Variants in COL22A1 observed in about 807,000 individuals in gnomAD.
COL22A1 encodes the protein collagen alpha-1(XXII) chain.
Under a neutral mutation model 248.9 loss-of-function variants are expected in COL22A1, and 221 were observed. The observed-to-expected ratio is 0.89, with a 90% CI of 0.80 to 0.99. The LOEUF (loss-of-function observed/expected upper bound fraction) is 0.99, where lower values mean the gene tolerates loss of function less well. Ranked by LOEUF, COL22A1 falls within the 50% of genes least tolerant of loss-of-function variation. COL22A1 has a pLI of 0.00. For synonymous variants in COL22A1, 891 were observed against 793.4 expected (o/e 1.12, Z -2.07); for missense variants, 2,240 against 2,179.0 (o/e 1.03, Z -0.56).
chr8:138,715,767 G>A, intron 29 of COL22A1, 32 bp from the exon 30 acceptor site: 2 of 1,531,392 alleles, frequency 1.3e-6, no homozygotes, highest in Non-Finnish European at 1.8e-6. Context: ...GAAAACATTA[G>A]AACCCAAACC....
chr8:138,751,439 G>T lies in COL22A1; in HGVS notation c.2085+19C>A. ...TGTGGGTGAGCTGAGGAATCACAAA[G>T]AAAAGAGAGTTTACTTACTCGGAGA... On this transcript the variant is annotated intron_variant, in intron 22 of 64. Coordinates refer to ENST00000303045, the MANE Select transcript of COL22A1 (RefSeq NM_152888.3). 6.3e-7 allele frequency: 1 copy of T among 1,597,264 alleles called. No homozygotes were observed. Among genetic ancestry groups the T allele is most frequent in the South Asian group, 1.1e-5 (1 of 89,468 alleles).
intron 16 of COL22A1, among the ~76,000 whole-genome samples, chr8:138,771,636 A>C (rs1834374680): frequency 6.6e-6 from 1 of 151,248 alleles, no homozygotes; most frequent in South Asian, 2.1e-4. Flanking sequence ...TGGCAAGAAC[A>C]AAACAGTGCA....
intron 23 of COL22A1, among the ~76,000 whole-genome samples, chr8:138,730,054 T>C (rs1830596529): frequency 6.6e-6 from 1 of 152,098 alleles, no homozygotes; most frequent in Non-Finnish European, 1.5e-5. Context: ...ACTTTGGCAC[T>C]CCCCCAAAAG....
chr8:138,777,470 T>C (rs994421500), intron 15 of COL22A1, among the ~76,000 whole-genome samples: 4 of 152,204 alleles, frequency 2.6e-5, no homozygotes, highest in Non-Finnish European at 5.9e-5. Context: ...TATCTATGTT[T>C]TAAGCCCTGC....
In COL22A1 at chr8:138,884,609, A is replaced by G. The variant is rs546822047; in HGVS notation, c.-72-1365T>C. Reference sequence around the variant, plus strand: ...CTCATTTACCCTTTGTAAAGTACCAATCTGATGCAGGTGTTTACAATGACC... The same window carrying G: ...CTCATTTACCCTTTGTAAAGTACCAGTCTGATGCAGGTGTTTACAATGACC... On this transcript the variant is annotated intron_variant, in intron 1 of 64. Coordinates refer to ENST00000303045, the MANE Select transcript of COL22A1 (RefSeq NM_152888.3). Among the ~76,000 whole-genome samples the G allele has an allele frequency of 1.1e-4, 17 of 152,220 alleles. No homozygotes were observed. The East Asian group carries it at 2.7e-3, about 24-fold the overall frequency.
chr8:138,792,398 G>A (rs1403617714), intron 12 of COL22A1, among the ~76,000 whole-genome samples: 3 of 152,208 alleles, frequency 2.0e-5, no homozygotes, highest in African/African-American at 7.2e-5. Flanking sequence ...TCTGCCTCAG[G>A]TGAGCCTGCT....
chr8:138,910,684 C>T (rs537968759), intron 1 of COL22A1, among the ~76,000 whole-genome samples: 1 of 152,178 alleles, frequency 6.6e-6, no homozygotes, highest in Non-Finnish European at 1.5e-5. Context: ...TAAAACATTC[C>T]TGTGGGCCTT....
intron 1 of COL22A1, among the ~76,000 whole-genome samples, chr8:138,901,721 C>T (rs1002734574): frequency 5.9e-5 from 9 of 152,030 alleles, no homozygotes; most frequent in African/African-American, 1.7e-4. Flanking sequence ...TAAATATGAT[C>T]GTTAAGACTC....
At chr8:138,811,586 T>G (rs1360949591) in intron 9 of COL22A1, among the ~76,000 whole-genome samples, 2 of 152,064 alleles carry the variant, frequency 1.3e-5, no homozygotes, top group African/African-American at 4.8e-5. Context: ...CACATTCTGC[T>G]CCTAGAAAGC....
chr8:138,816,463 TCC>T (rs901184020), intron 7 of COL22A1, among the ~76,000 whole-genome samples: 3 of 152,184 alleles, frequency 2.0e-5, no homozygotes, highest in African/African-American at 7.2e-5. Flanking sequence ...TCTGCTTGGC[TCC>T]CTGGATCCCA....
chr8:138,591,540 C>G, intron 63 of COL22A1, 39 bp from the exon 64 acceptor site: 2 of 1,454,338 alleles, frequency 1.4e-6, no homozygotes, highest in Non-Finnish European at 1.8e-6. Context: ...GTGGAGACCC[C>G]CGGGGAGGAC....
chr8:138,718,663 A>C (rs1367956852), intron 27 of COL22A1, among the ~76,000 whole-genome samples: 1 of 152,220 alleles, frequency 6.6e-6, no homozygotes, highest in South Asian at 2.1e-4. Context: ...AAATAAAGTA[A>C]CAAGACCCTC....
At chr8:138,665,165 A>T (rs1824386233) in intron 41 of COL22A1, among the ~76,000 whole-genome samples, 1 of 152,156 alleles carries the variant, frequency 6.6e-6, no homozygotes, top group Admixed American at 6.5e-5. Context: ...AAGTAGAGAA[A>T]ATCTCCAGAG....
At position 138,660,451 on chromosome 8, in the gene COL22A1, C is replaced by T. The variant is rs373436607; in HGVS notation, c.3270G>A (p.Gly1090=). The T allele has an allele frequency of 2.8e-5, 45 of 1,612,974 alleles. No homozygotes were observed. The highest frequency in any genetic ancestry group is 3.8e-5 in the Non-Finnish European group (45 of 1,179,284). ...DGAPGNPGER[G]PPGKPGLSSL... ...GATGACATACCGGCTTGCCAGGAGG[C>T]CCTCTTTCTCCTGGATTTCCTGGTG... The change falls in exon 44 of 65, where the codon GGG becomes GGA. Residue 1090 remains glycine (G), a synonymous_variant. Coordinates refer to ENST00000303045, the MANE Select transcript of COL22A1 (RefSeq NM_152888.3).
chr8:138,883,729 C>T (rs1824424634), intron 1 of COL22A1, among the ~76,000 whole-genome samples: 1 of 149,214 alleles, frequency 6.7e-6, no homozygotes, highest in African/African-American at 2.5e-5. Context: ...TATTCGCTCT[C>T]CTGCCACCAT....
Position 138,660,463 on chromosome 8 carries a change from T to C in COL22A1, c.3258A>G (p.Pro1086=). The C allele has an allele frequency of 6.2e-7, 1 of 1,613,596 alleles. No individual in the cohort carries two copies. The highest frequency in any genetic ancestry group is 8.5e-7 in the Non-Finnish European group (1 of 1,179,506). Reference sequence around the variant, plus strand: ...GCTTGCCAGGAGGCCCTCTTTCTCCTGGATTTCCTGGTGCACCCTAAGAGA... The same window carrying C: ...GCTTGCCAGGAGGCCCTCTTTCTCCCGGATTTCCTGGTGCACCCTAAGAGA... ...PAGRDGAPGN[P]GERGPPGKPG... The change falls in exon 44 of 65, where the codon CCA becomes CCG. Residue 1086 remains proline (P), a synonymous_variant. Coordinates refer to ENST00000303045, the MANE Select transcript of COL22A1 (RefSeq NM_152888.3).
intron 41 of COL22A1, among the ~76,000 whole-genome samples, chr8:138,667,533 C>G (rs1824614320): frequency 6.6e-6 from 1 of 152,034 alleles, no homozygotes; most frequent in Non-Finnish European, 1.5e-5. Context: ...TTAGAACAAA[C>G]AGCAACAATA....
chr8:138,878,301 T>C lies in COL22A1; in HGVS notation c.107A>G (p.His36Arg). 6.5e-7 allele frequency: 1 copy of C among 1,550,290 alleles called. No homozygotes were observed. Among genetic ancestry groups the C allele is most frequent in the Non-Finnish European group, 8.7e-7 (1 of 1,146,724 alleles). ...GTCCAGGAGGAAGACCAGATCGTAG[T>C]GGACACTTTTGCAACCTGCAGGGGT... ...QAQRAGCKSV[H>R]YDLVFLLDTS... Residue 36 changes from histidine to arginine, a missense_variant, in exon 3 of 65, where the codon CAC becomes CGC. His to Arg is a conservative substitution (Grantham distance 29). Coordinates refer to ENST00000303045, the MANE Select transcript of COL22A1 (RefSeq NM_152888.3).
At chr8:138,775,360 G>A (rs942053057) in intron 16 of COL22A1, among the ~76,000 whole-genome samples, 38 of 152,302 alleles carry the variant, frequency 2.5e-4, no homozygotes, top group Admixed American at 5.9e-4. Flanking sequence ...CACATATGGC[G>A]GAATCCAATC....
Sources: gnomAD v4.1 joint callset for allele counts (sites outside exome capture counted in the v4.1 genomes callset) on GRCh38, gnomAD v4.1.1 for gene constraint, MANE v1.5 for transcripts, NCBI Gene and HGNC (gene_info 2026-07-23, HGNC 2026-07-21) for gene names.